DMRT3: variants seen among roughly 807,000 people sequenced by gnomAD.
DMRT3 encodes the protein doublesex and mab-3 related transcription factor 3.
In DMRT3, 29 loss-of-function variants were observed where a neutral mutation model predicts 34.9. The observed-to-expected ratio is 0.83, with a 90% CI of 0.62 to 1.13. The LOEUF (loss-of-function observed/expected upper bound fraction) is 1.13, where lower values mean the gene tolerates loss of function less well. Among genes scored for constraint, DMRT3 ranks in the 50% most tolerant of loss-of-function variants. The probability of loss-of-function intolerance (pLI) is 0.00; values close to 1 mark genes in which losing one functional copy is unlikely to be tolerated. For synonymous variants in DMRT3, 350 were observed against 286.0 expected (o/e 1.22, Z -2.26); for missense variants, 772 against 629.1 (o/e 1.23, Z -2.43).
chr9:990,910 T>C lies in DMRT3; in HGVS notation c.1324T>C (p.Cys442Arg), dbSNP rs575178228. 2 of 1,614,114 alleles carry C rather than the reference T, an allele frequency of 1.2e-6. No individual in the cohort carries two copies. Among genetic ancestry groups the C allele is most frequent in the South Asian group, 1.1e-5 (1 of 91,074 alleles). The change falls in exon 2 of 2, where the codon TGT (cysteine) becomes CGT (arginine). Residue 442 changes from cysteine (C) to arginine (R), a missense_variant. Transcript: ENST00000190165. ...TCGGATTTCCATCCCTGATGATGGG[T>C]GTCCATTTGTGTCAAAGCAGTCCAT... ...DPRISIPDDG[C>R]PFVSKQSIYT... is the part of the protein sequence containing the mutation.
Position 983,530 on chromosome 9 carries a change from A to G in DMRT3, c.454+6075A>G, listed in dbSNP as rs548655122. Among the ~76,000 whole-genome samples, 369 of 152,332 alleles carry G rather than the reference A, an allele frequency of 2.4e-3. 1 individual carries two copies. Among genetic ancestry groups the G allele is most frequent in the South Asian group, 7.0e-3 (34 of 4,826 alleles). On this transcript the variant is annotated intron_variant, in intron 1 of 1. Transcript: ENST00000190165. ...TAAACTGTATGCCTCTCAGTGGTCA[A>G]GAGGCAATGCTTTGATCATCTCTGT...
intron 1 of DMRT3, among the ~76,000 whole-genome samples, chr9:981,873 C>T (rs904538547): frequency 6.6e-6 from 1 of 152,182 alleles, no homozygotes; most frequent in Non-Finnish European, 1.5e-5. Context: ...CACTAGGCAG[C>T]TCAGGAACCG....
chr9:985,809 C>T (rs1820276371), intron 1 of DMRT3, among the ~76,000 whole-genome samples: 1 of 152,190 alleles, frequency 6.6e-6, no homozygotes, highest in Non-Finnish European at 1.5e-5. Context: ...TTGGCTCACC[C>T]AGCACTACTT....
rs771686175 is a variant in DMRT3 at position 990,903 on chromosome 9, T to C, written c.1317T>C (p.Asp439=). The C allele has an allele frequency of 7.4e-6, 12 of 1,614,168 alleles. No individual in the cohort carries two copies. The highest frequency in any genetic ancestry group is 1.0e-5 in the Non-Finnish European group (12 of 1,180,032). The change falls in exon 2 of 2, where the codon GAT becomes GAC. Residue 439 remains aspartate, a synonymous_variant. Transcript: ENST00000190165. Reference sequence around the variant, plus strand: ...AAGACCCTCGGATTTCCATCCCTGATGATGGGTGTCCATTTGTGTCAAAGC... The same window carrying C: ...AAGACCCTCGGATTTCCATCCCTGACGATGGGTGTCCATTTGTGTCAAAGC... ...ATEDPRISIP[D]DGCPFVSKQS...
At chr9:982,279 C>T (rs550347636) in intron 1 of DMRT3, among the ~76,000 whole-genome samples, 11 of 152,298 alleles carry the variant, frequency 7.2e-5, no homozygotes, top group Admixed American at 5.9e-4. Flanking sequence ...TGCTGGGGTC[C>T]ATCCTGTGGA....
chr9:984,036 A>G (rs960449306), intron 1 of DMRT3, among the ~76,000 whole-genome samples: 1 of 151,982 alleles, frequency 6.6e-6, no homozygotes, highest in African/African-American at 2.4e-5. Flanking sequence ...TCATTTTTTT[A>G]AAATAATTCA....
chr9:977,576 C>T lies in DMRT3; in HGVS notation c.454+121C>T, dbSNP rs1285523648. ...TGGGACGTGGGCCTGTCGGGGCTTT[C>T]CTTCCTACTCTCCGCCAGGCCGGGG... On this transcript the variant is annotated intron_variant, in intron 1 of 1. Transcript: ENST00000190165. 6.1e-6 allele frequency: 6 copies of T among 976,036 alleles called. No homozygotes were observed. In the East Asian group the frequency reaches 2.6e-4, roughly 43 times the overall value. The allele number at this position is 976,036 out of a possible 1,614,324, so 60.5% of individuals were successfully genotyped here.
In DMRT3 at chr9:977,471, G is replaced by A; in HGVS notation, c.454+16G>A. On this transcript the variant is annotated intron_variant, in intron 1 of 1. Coordinates refer to ENST00000190165, the MANE Select transcript of DMRT3 (RefSeq NM_021240.4). ...GCCAAGCCAGGTAAGAGCGTCTGAG[G>A]TGCGGGAGTTTGGCCGGGCGCGGGG... 2 of 1,279,308 alleles carry A rather than the reference G, an allele frequency of 1.6e-6. No homozygotes were observed. The highest frequency in any genetic ancestry group is 2.9e-5 in the East Asian group (1 of 34,732). 79.2% of individuals were successfully genotyped at this position (1,279,308 alleles called of 1,614,324 possible). A position where few individuals can be genotyped will look rare whatever the true frequency, so the allele number is the denominator to read the frequency against.
chr9:985,109 T>C lies in DMRT3; in HGVS notation c.455-4932T>C, dbSNP rs528123858. Among the ~76,000 whole-genome samples the C allele has an allele frequency of 2.6e-5, 4 of 152,338 alleles. No homozygotes were observed. The East Asian group carries it at 7.7e-4, about 29-fold the overall frequency. ...CTCTTTACCCTAGTGCACAGTTTATTTCAGGGATAGCTATAAGTGTTTCTA... is the reference window on the plus strand; with the variant it reads ...CTCTTTACCCTAGTGCACAGTTTATCTCAGGGATAGCTATAAGTGTTTCTA... On this transcript the variant is annotated intron_variant, in intron 1 of 1. Transcript: ENST00000190165.
Position 990,176 on chromosome 9 carries a change from T to C in DMRT3, c.590T>C (p.Ile197Thr), listed in dbSNP as rs774058341. 1 of 1,613,600 alleles carries C rather than the reference T, an allele frequency of 6.2e-7. No homozygotes were observed. The highest frequency in any genetic ancestry group is 1.3e-5 in the African/African-American group (1 of 74,756). Residue 197 changes from isoleucine to threonine, a missense_variant, in exon 2 of 2, where the codon ATA becomes ACA. Transcript: ENST00000190165. Reference sequence around the variant, plus strand: ...TGCTTCACCCCTGAGAGCCCTGAGATAGTGTCCGTGGAGGAAGGGGGATAC... The same window carrying C: ...TGCTTCACCCCTGAGAGCCCTGAGACAGTGTCCGTGGAGGAAGGGGGATAC... ...KGCFTPESPE[I>T]VSVEEGGYAV...
At chr9:987,434 G>A (rs1820300094) in intron 1 of DMRT3, among the ~76,000 whole-genome samples, 1 of 146,630 alleles carries the variant, frequency 6.8e-6, no homozygotes, top group Middle Eastern at 3.4e-3. Context: ...GTGTGTGTGT[G>A]TGTGTGTGTG....
intron 1 of DMRT3, among the ~76,000 whole-genome samples, 186 bp downstream of exon 1, chr9:977,641 C>G (rs565078930): frequency 3.2e-4 from 48 of 152,196 alleles, no homozygotes; most frequent in African/African-American, 1.1e-3. Flanking sequence ...CTGGACCCAG[C>G]GCGAGTGGCA....
In DMRT3 at chr9:990,317, G is replaced by A. The variant is rs765052304; in HGVS notation, c.731G>A (p.Ser244Asn). Reference sequence around the variant, plus strand: ...TCGGGGACTGTTTCTCTGCCCTTCAGCTTGAAAGCCAACAGACCGCCGCTT... The same window carrying A: ...TCGGGGACTGTTTCTCTGCCCTTCAACTTGAAAGCCAACAGACCGCCGCTT... Reference protein sequence around the residue: ...GPSGTVSLPFSLKANRPPLEV... With the variant: ...GPSGTVSLPFNLKANRPPLEV... Residue 244 changes from serine (S) to asparagine (N), a missense_variant, in exon 2 of 2, where the codon AGC (serine) becomes AAC (asparagine). Physicochemically the swap from Ser to Asn is conservative, Grantham distance 46 (BLOSUM62 1). Coordinates refer to ENST00000190165, the MANE Select transcript of DMRT3 (RefSeq NM_021240.4). 1.2e-6 allele frequency: 2 copies of A among 1,613,710 alleles called. No homozygotes were observed. The highest frequency in any genetic ancestry group is 1.7e-6 in the Non-Finnish European group (2 of 1,179,994).
At chr9:986,120 G>A (rs1820279865) in intron 1 of DMRT3, among the ~76,000 whole-genome samples, 2 of 152,206 alleles carry the variant, frequency 1.3e-5, no homozygotes, top group Admixed American at 1.3e-4. Flanking sequence ...CCCAGTAGCA[G>A]GGGCAAAGGG....
In DMRT3 at chr9:985,611, A is replaced by G. The variant is rs78709120; in HGVS notation, c.455-4430A>G. On this transcript the variant is annotated intron_variant, in intron 1 of 1. Transcript: ENST00000190165. ...TGTATTTATAATAGAATAATTTACA[A>G]TATATTTAGTTTAGGTGCAATAATA... Among the ~76,000 whole-genome samples the G allele has an allele frequency of 2.2e-4, 34 of 152,348 alleles. No homozygotes were observed. The East Asian group carries it at 6.0e-3, about 27-fold the overall frequency.
intron 1 of DMRT3, among the ~76,000 whole-genome samples, chr9:983,358 T>A (rs1820244757): frequency 6.6e-6 from 1 of 152,190 alleles, no homozygotes. Flanking sequence ...GCACCCATAA[T>A]CTTTATATGT....
intron 1 of DMRT3, among the ~76,000 whole-genome samples, chr9:978,247 C>T (rs1358885275): frequency 1.3e-5 from 2 of 152,156 alleles, no homozygotes; most frequent in Non-Finnish European, 2.9e-5. Context: ...TCTGATCCCC[C>T]ACCACCCATC....
intron 1 of DMRT3, 149 bp from the exon 2 acceptor site, chr9:989,892 C>A (rs563253121): frequency 6.0e-6 from 6 of 1,003,408 alleles, no homozygotes; most frequent in African/African-American, 1.6e-5. Flanking sequence ...TGATATAGTT[C>A]GAATTTTTTT....
chr9:984,298 A>G (rs1436589699), intron 1 of DMRT3, among the ~76,000 whole-genome samples: 1 of 152,210 alleles, frequency 6.6e-6, no homozygotes, highest in Admixed American at 6.5e-5. Context: ...ATGATTTCAA[A>G]AGGGATGGGG....
Sources: gnomAD v4.1 joint callset for allele counts (sites outside exome capture counted in the v4.1 genomes callset) on GRCh38, gnomAD v4.1.1 for gene constraint, MANE v1.5 for transcripts, NCBI Gene and HGNC (gene_info 2026-07-23, HGNC 2026-07-21) for gene names.